The following WNT5A variants were observed in gnomAD, a reference collection of about 807,000 sequenced individuals.
WNT5A encodes the protein protein Wnt-5a.
Under a neutral mutation model 42.1 loss-of-function variants are expected in WNT5A, and 9 were observed. The observed-to-expected ratio is 0.21, with a 90% confidence interval of 0.13 to 0.37. The LOEUF (loss-of-function observed/expected upper bound fraction) is 0.37. Ranked by LOEUF, WNT5A falls within the 10% of genes least tolerant of loss-of-function variation. WNT5A has a pLI of 1.00. For synonymous variants in WNT5A, 210 were observed against 210.0 expected, an observed-to-expected ratio of 1.00 and a Z score of 0.00; for missense variants, 426 against 534.0, an observed-to-expected ratio of 0.80 and a Z score of 1.99.
the WNT5A span, among the ~76,000 whole-genome samples, chr3:55,498,097 T>C: frequency 1.3e-5 from 2 of 152,252 alleles, no homozygotes; most frequent in African/African-American, 4.8e-5. Context: ...TTCTTTCTAC[T>C]TGTTTTGTTT....
At chr3:55,490,909 C>T (rs2051651239), upstream of WNT5A, among the ~76,000 whole-genome samples, 1 of 152,198 alleles carries the variant, frequency 6.6e-6, no homozygotes, top group Non-Finnish European at 1.5e-5. Flanking sequence ...ACAAAACCGT[C>T]TAGTCCCAAG....
chr3:55,501,401 C>T, the WNT5A span, among the ~76,000 whole-genome samples: 4 of 152,226 alleles, frequency 2.6e-5, no homozygotes, highest in African/African-American at 7.2e-5. Context: ...TTAATCAGAC[C>T]TGTGCACGCA....
At chr3:55,498,368 G>A in the WNT5A span, among the ~76,000 whole-genome samples, 2 of 152,184 alleles carry the variant, frequency 1.3e-5, no homozygotes, top group Non-Finnish European at 2.9e-5. Context: ...TGAACTAAAT[G>A]AGCCGCGGCT....
intron 4 of WNT5A, among the ~76,000 whole-genome samples, chr3:55,471,861 C>T (rs191264431): frequency 1.5e-3 from 233 of 152,330 alleles, no homozygotes; most frequent in Middle Eastern, 0.014. Context: ...ATCAGAAGGC[C>T]TCTTCCGCAG....
Position 55,487,171 on chromosome 3 carries a change from C to A in WNT5A, c.-186G>T, listed in dbSNP as rs890745811. 6.8e-6 allele frequency: 4 copies of A among 586,470 alleles called. No homozygotes were observed. The highest frequency in any genetic ancestry group is 1.2e-5 in the Non-Finnish European group (4 of 331,700). 36.3% of individuals were successfully genotyped at this position (586,470 alleles called of 1,614,324 possible). On this transcript the variant is annotated 5_prime_UTR_variant, in exon 1 of 5. Coordinates refer to ENST00000264634, the MANE Select transcript of WNT5A (RefSeq NM_003392.7). ...GGGCACTGGCGCCCGGGCCTGGACT[C>A]CCGAGTTGGGGCAGAGCTGGGATGC...
chr3:55,487,095 G>T lies in WNT5A; in HGVS notation c.-110C>A. 1 of 948,808 alleles carries T rather than the reference G, an allele frequency of 1.1e-6. No homozygotes were observed. The highest frequency in any genetic ancestry group is 1.6e-6 in the Non-Finnish European group (1 of 628,688). The allele number at this position is 948,808 out of a possible 1,614,324, so 58.8% of individuals were successfully genotyped here. Reference sequence around the variant, plus strand: ...TGGGGGGACGGTCAGGAGCAGGGCTGCGGAGTCCTCCGGCGCGCGTCCGGC... The same window carrying T: ...TGGGGGGACGGTCAGGAGCAGGGCTTCGGAGTCCTCCGGCGCGCGTCCGGC... On this transcript the variant is annotated 5_prime_UTR_variant, in exon 1 of 5. Transcript: ENST00000264634.
rs763352483 is a variant in WNT5A at position 55,474,487 on chromosome 3, G to A, written c.534C>T (p.Leu178=). 1 of 1,598,882 alleles carries A rather than the reference G, an allele frequency of 6.3e-7. No homozygotes were observed. The highest frequency in any genetic ancestry group is 1.1e-5 in the South Asian group (1 of 88,972). The change falls in exon 4 of 5, where the codon CTC becomes CTT. Residue 178 remains leucine (L), a synonymous_variant. Coordinates refer to ENST00000264634, the MANE Select transcript of WNT5A (RefSeq NM_003392.7). ...CGATGTTGTCGCCGCAGCCGCCCCAGAGCCAGTCCCGCGGCAGGTCCTTGG... is the reference window on the plus strand; with the variant it reads ...CGATGTTGTCGCCGCAGCCGCCCCAAAGCCAGTCCCGCGGCAGGTCCTTGG... ...ARPKDLPRDW[L]WGGCGDNIDY...
At position 55,480,811 on chromosome 3, in the gene WNT5A, C is replaced by A. The variant is rs1435625630; in HGVS notation, c.114G>T (p.Gln38His). ...VALAIFFSFA[Q>H]VVIEANSWWS... ...ACCAAGAATTGGCTTCAATTACAACCTGGGCGAAGGAGAAAAATATGGCCA... is the reference window on the plus strand; with the variant it reads ...ACCAAGAATTGGCTTCAATTACAACATGGGCGAAGGAGAAAAATATGGCCA... Residue 38 changes from glutamine (Q) to histidine (H), a missense_variant, in exon 2 of 5, where the codon CAG becomes CAT. This residue lies in a region of WNT5A where 62 missense variants were observed against 49.0 expected (regional missense o/e 1.26). Transcript: ENST00000264634. 6.4e-7 allele frequency: 1 copy of A among 1,573,362 alleles called. No homozygotes were observed.
chr3:55,494,938 G>A (rs933786691), upstream of WNT5A, among the ~76,000 whole-genome samples: 1 of 152,102 alleles, frequency 6.6e-6, no homozygotes, highest in African/African-American at 2.4e-5. Context: ...AAGCCTACCT[G>A]GGGACACATT....
At chr3:55,472,304 G>A (rs1287811878) in intron 4 of WNT5A, among the ~76,000 whole-genome samples, 1 of 152,176 alleles carries the variant, frequency 6.6e-6, no homozygotes, top group Admixed American at 6.5e-5. Context: ...TGGTTGCCAA[G>A]CCTCTGATGA....
Position 55,480,856 on chromosome 3 carries a change from G to T in WNT5A, c.69C>A (p.Ser23=). ...TGGCCAAAGCCACTAGGAAGAACTT[G>T]GAAGACATTGCACTTCCAGCCATCC... ...ALGMAGSAMS[S]KFFLVALAIF... Residue 23 remains serine (S), a synonymous_variant, in exon 2 of 5, where the codon TCC becomes TCA. Coordinates refer to ENST00000264634, the MANE Select transcript of WNT5A (RefSeq NM_003392.7). The T allele has an allele frequency of 6.3e-7, 1 of 1,588,364 alleles. No homozygotes were observed.
intron 1 of WNT5A, 91 bp from the exon 2 acceptor site, chr3:55,481,009 T>C: frequency 7.9e-7 from 1 of 1,265,524 alleles, no homozygotes; most frequent in Non-Finnish European, 1.0e-6. Context: ...CGGGGTCTCT[T>C]AAGTTTACTG....
At position 55,469,336 on chromosome 3, in the gene WNT5A, A is replaced by G. The variant is rs764644766; in HGVS notation, c.*756T>C. The G allele has an allele frequency of 2.0e-5, 3 of 152,228 alleles. No homozygotes were observed. Among genetic ancestry groups the G allele is most frequent in the African/African-American group, 4.8e-5 (2 of 41,458 alleles). The allele number at this position is 152,228 out of a possible 1,614,324, so 9.4% of individuals were successfully genotyped here. On this transcript the variant is annotated 3_prime_UTR_variant, in exon 5 of 5. Coordinates refer to ENST00000264634, the MANE Select transcript of WNT5A (RefSeq NM_003392.7). ...TTTACAATCTGGAATCCTAATTCTT[A>G]TAACAGCTTCAAATCAACATCTTGA...
At chr3:55,498,296 G>C in the WNT5A span, among the ~76,000 whole-genome samples, 1 of 152,028 alleles carries the variant, frequency 6.6e-6, no homozygotes, top group African/African-American at 2.4e-5. Flanking sequence ...CTTCCTTTTT[G>C]GAAAACTCAT....
At chr3:55,503,524 T>G in the WNT5A span, among the ~76,000 whole-genome samples, 1 of 152,100 alleles carries the variant, frequency 6.6e-6, no homozygotes, top group Non-Finnish European at 1.5e-5. Flanking sequence ...CACTCAGGGG[T>G]CAGGCAGGTT....
chr3:55,494,363 G>A (rs773273340), upstream of WNT5A, among the ~76,000 whole-genome samples: 18 of 152,066 alleles, frequency 1.2e-4, no homozygotes, highest in Non-Finnish European at 1.9e-4. Context: ...TCCATTCTCC[G>A]GAAGGGAAAT....
At chr3:55,473,334 G>A (rs2051286650) in intron 4 of WNT5A, among the ~76,000 whole-genome samples, 1 of 152,144 alleles carries the variant, frequency 6.6e-6, no homozygotes, top group South Asian at 2.1e-4. Context: ...TCTCTGACCA[G>A]AAAGTTCCTG....
At chr3:55,471,362 G>A (rs11918967) in intron 4 of WNT5A, among the ~76,000 whole-genome samples, 1 of 151,820 alleles carries the variant, frequency 6.6e-6, no homozygotes, top group Non-Finnish European at 1.5e-5. Flanking sequence ...CTACTACCCC[G>A]CTAGGCTAAG....
Position 55,487,026 on chromosome 3 carries a change from G to A in WNT5A, c.-41C>T. On this transcript the variant is annotated 5_prime_UTR_variant, in exon 1 of 5. Coordinates refer to ENST00000264634, the MANE Select transcript of WNT5A (RefSeq NM_003392.7). ...GCGCGGGGAGGAAGTCGCCACCCGA[G>A]CGAGCGCAGCCGAGGAATCCGAGCG... 1 of 1,606,004 alleles carries A rather than the reference G, an allele frequency of 6.2e-7. No individual in the cohort carries two copies. The highest frequency in any genetic ancestry group is 2.2e-5 in the East Asian group (1 of 44,804).
Sources: allele counts gnomAD v4.1 joint callset (sites outside exome capture counted in the v4.1 genomes callset), GRCh38; gene constraint gnomAD v4.1.1; regional missense constraint gnomAD v4.1.1; transcripts MANE v1.5; gene names NCBI Gene and HGNC (gene_info 2026-07-23, HGNC 2026-07-21).